RASEF: variants seen among roughly 807,000 people sequenced by gnomAD.
RASEF encodes the protein RAS and EF-hand domain containing, also known as ras and EF-hand domain-containing protein.
RASEF carries 68 observed loss-of-function variants against 90.1 expected under a neutral mutation model. The ratio of observed to expected loss-of-function variants is 0.75; its 90% CI spans 0.62 to 0.92. The LOEUF (loss-of-function observed/expected upper bound fraction) is 0.92, where lower values mean the gene tolerates loss of function less well. Ranked by LOEUF, RASEF falls within the 40% of genes least tolerant of loss-of-function variation. The probability of loss-of-function intolerance (pLI) is 0.00; values close to 1 mark genes in which losing one functional copy is unlikely to be tolerated. For synonymous variants in RASEF, 331 were observed against 345.2 expected, an observed-to-expected ratio of 0.96 and a Z score of 0.46; for missense variants, 949 against 937.2, an observed-to-expected ratio of 1.01 and a Z score of -0.16.
the RASEF span, among the ~76,000 whole-genome samples, chr9:83,098,031 C>A: frequency 6.6e-6 from 1 of 152,094 alleles, no homozygotes; most frequent in Non-Finnish European, 1.5e-5. Context: ...TTGAGGTTAT[C>A]CCTAAGTAAA....
chr9:83,174,597 T>C, the RASEF span, among the ~76,000 whole-genome samples: 1 of 152,180 alleles, frequency 6.6e-6, no homozygotes, highest in African/African-American at 2.4e-5. Context: ...AACTTTGTTA[T>C]TCTTTTTGAA....
the RASEF span, among the ~76,000 whole-genome samples, chr9:83,199,578 G>A: frequency 2.4e-4 from 37 of 152,284 alleles, no homozygotes; most frequent in African/African-American, 5.5e-4. Context: ...ATCCTCTTAC[G>A]CAGTTTCTTT....
chr9:83,038,352 G>T (rs544205278), intron 1 of RASEF, among the ~76,000 whole-genome samples: 92 of 151,990 alleles, frequency 6.1e-4, no homozygotes, highest in South Asian at 3.9e-3. Context: ...TTCAACACTT[G>T]AGAGTGTCTT....
Position 83,027,703 on chromosome 9 carries a change from C to T in RASEF, c.432-1782G>A, listed in dbSNP as rs7043671. Among the ~76,000 whole-genome samples, 1,198 of 152,154 alleles carry T rather than the reference C, an allele frequency of 7.9e-3. 16 individuals carry two copies. Among genetic ancestry groups the T allele is most frequent in the African/African-American group, 0.027 (1,138 of 41,506 alleles). On this transcript the variant is annotated intron_variant, in intron 1 of 16. Coordinates refer to ENST00000376447, the MANE Select transcript of RASEF (RefSeq NM_152573.4). ...ACTAGTTGGTGAGGGTGGTGGTGTC[C>T]GTGACTCACAGTTTAAGAGCTGATT...
intron 12 of RASEF, among the ~76,000 whole-genome samples, chr9:82,999,961 A>G (rs564292026): frequency 1.3e-5 from 2 of 151,260 alleles, no homozygotes; most frequent in South Asian, 2.1e-4. Context: ...CCAAAACAAG[A>G]AAGACCTTTC....
rs374261926 is a variant in RASEF, at chr9:82,981,785, T to C, written c.*892A>G. The C allele has an allele frequency of 6.6e-5, 10 of 152,200 alleles. No individual in the cohort carries two copies. In the East Asian group the frequency reaches 7.7e-4, roughly 12 times the overall value. The allele number at this position is 152,200 out of a possible 1,614,324, so 9.4% of individuals were successfully genotyped here. On this transcript the variant is annotated 3_prime_UTR_variant, in exon 17 of 17. Coordinates refer to ENST00000376447, the MANE Select transcript of RASEF (RefSeq NM_152573.4). ...TCCCCATCCTCCCTTTCTCAGCCCC[T>C]GGCAACCACTCCCTTAAGTGAAGAG...
chr9:83,094,935 C>T, the RASEF span, among the ~76,000 whole-genome samples: 3 of 152,278 alleles, frequency 2.0e-5, no homozygotes, highest in African/African-American at 4.8e-5. Flanking sequence ...GGTAGCCTCA[C>T]GTCCAAGCAT....
chr9:83,015,965 C>T (rs960418721), intron 3 of RASEF, 65 bp from the exon 4 acceptor site: 14 of 1,176,606 alleles, frequency 1.2e-5, no homozygotes, highest in African/African-American at 9.1e-5. Context: ...CAAAACCCCA[C>T]AGGTGAGAAA....
the RASEF span, among the ~76,000 whole-genome samples, chr9:83,095,194 G>A: frequency 1.3e-5 from 2 of 152,146 alleles, no homozygotes; most frequent in East Asian, 3.9e-4. Flanking sequence ...CTGTATAAGG[G>A]AATTAAGGAA....
At chr9:83,213,507 G>T in the RASEF span, among the ~76,000 whole-genome samples, 1 of 152,046 alleles carries the variant, frequency 6.6e-6, no homozygotes, top group Non-Finnish European at 1.5e-5. Context: ...TTCTATTTCT[G>T]GTGCTTATAC....
chr9:83,066,298 T>C (rs867122674), upstream of RASEF, among the ~76,000 whole-genome samples: 7 of 152,226 alleles, frequency 4.6e-5, no homozygotes, highest in Non-Finnish European at 8.8e-5. Context: ...AAGAATTGGA[T>C]CCTGCTTTTT....
chr9:83,200,060 G>A, the RASEF span, among the ~76,000 whole-genome samples: 2 of 152,146 alleles, frequency 1.3e-5, no homozygotes, highest in Admixed American at 1.3e-4. Flanking sequence ...ATTTGTTAAG[G>A]ATGCATATGC....
intron 16 of RASEF, among the ~76,000 whole-genome samples, chr9:82,986,637 C>T (rs185960463): frequency 1.3e-5 from 2 of 152,344 alleles, no homozygotes; most frequent in African/African-American, 4.8e-5. Context: ...AATTAGGGCT[C>T]ACCAAAATCT....
chr9:83,146,252 A>G, the RASEF span, among the ~76,000 whole-genome samples: 1 of 152,008 alleles, frequency 6.6e-6, no homozygotes, highest in South Asian at 2.1e-4. Flanking sequence ...CAGTATCATC[A>G]CTTGAAAAAG....
At chr9:83,059,776 C>G (rs968526083) in intron 1 of RASEF, among the ~76,000 whole-genome samples, 1 of 152,150 alleles carries the variant, frequency 6.6e-6, no homozygotes, top group Non-Finnish European at 1.5e-5. Flanking sequence ...CCATCCTGAC[C>G]TTGCAGACCC....
the RASEF span, among the ~76,000 whole-genome samples, chr9:83,149,586 C>A: frequency 2.0e-5 from 3 of 152,088 alleles, no homozygotes; most frequent in Admixed American, 6.6e-5. Flanking sequence ...TAGGCAGGGG[C>A]AGACTGTGCA....
intron 7 of RASEF, 68 bp from the exon 8 acceptor site, chr9:83,005,568 T>C: frequency 8.6e-7 from 1 of 1,161,460 alleles, no homozygotes; most frequent in Admixed American, 1.7e-5. Flanking sequence ...TGTCATCACT[T>C]TCTTTTCTAG....
the RASEF span, among the ~76,000 whole-genome samples, chr9:83,128,036 T>G: frequency 6.6e-6 from 1 of 151,058 alleles, no homozygotes. Context: ...TTTTTTTTTT[T>G]TTTTGTTTTG....
chr9:83,182,607 C>T, the RASEF span, among the ~76,000 whole-genome samples: 1 of 152,132 alleles, frequency 6.6e-6, no homozygotes, highest in Non-Finnish European at 1.5e-5. Context: ...AGAATTACAT[C>T]ATCAGAATTA....
Sources: allele counts gnomAD v4.1 joint callset (sites outside exome capture counted in the v4.1 genomes callset), GRCh38; gene constraint gnomAD v4.1.1; transcripts MANE v1.5; gene names NCBI Gene and HGNC (gene_info 2026-07-23, HGNC 2026-07-21).